FREM2: variants seen among roughly 807,000 people sequenced by gnomAD.
FREM2 encodes FRAS1-related extracellular matrix protein 2.
In FREM2, 119 loss-of-function variants were observed where a neutral mutation model predicts 219.9. The ratio of observed to expected loss-of-function variants is 0.54; its 90% CI spans 0.47 to 0.63. The LOEUF is 0.63. Among genes scored for constraint, FREM2 ranks in the 30% least tolerant of loss-of-function variants. FREM2 has a pLI of 0.00. For synonymous variants in FREM2, 1,562 were observed against 1,522.8 expected, an observed-to-expected ratio of 1.03 and a Z score of -0.60; for missense variants, 4,030 against 3,993.6, an observed-to-expected ratio of 1.01 and a Z score of -0.25.
At position 38,690,130 on chromosome 13, in the gene FREM2, T is replaced by C; in HGVS notation, c.2786T>C (p.Leu929Pro). 1 of 1,614,146 alleles carries C rather than the reference T, an allele frequency of 6.2e-7. No individual in the cohort carries two copies. Among genetic ancestry groups the C allele is most frequent in the Non-Finnish European group, 8.5e-7 (1 of 1,180,032 alleles). Residue 929 changes from leucine to proline, a missense_variant, in exon 1 of 24, where the codon CTC becomes CCC. Transcript: ENST00000280481. ...AGACATCATGTGGTGCCCATCACTC[T>C]CAGAGTAAATGTCCGGCCAGTGGAT... ...SDRHHVVPIT[L>P]RVNVRPVDDE...
At chr13:38,863,185 A>G (rs1247524621) in intron 15 of FREM2, among the ~76,000 whole-genome samples, 2 of 151,866 alleles carry the variant, frequency 1.3e-5, no homozygotes, top group Non-Finnish European at 2.9e-5. Context: ...AAGTAGCTGG[A>G]ATTACAGGCG....
Position 38,691,642 on chromosome 13 carries a change from A to G in FREM2, c.4298A>G (p.Glu1433Gly). The G allele has an allele frequency of 6.2e-7, 1 of 1,614,152 alleles. No individual in the cohort carries two copies. Among genetic ancestry groups the G allele is most frequent in the Middle Eastern group, 1.6e-4 (1 of 6,062 alleles). The change falls in exon 1 of 24, where the codon GAA becomes GGA. Residue 1433 changes from glutamate (E) to glycine (G), a missense_variant. Around this residue, in one of 2 missense-constraint regions of FREM2, gnomAD observed 3,102 missense variants for 2,950.7 expected, o/e 1.05. Coordinates refer to ENST00000280481, the MANE Select transcript of FREM2 (RefSeq NM_207361.6). ...DVISKGVSLK[E>G]GGKVTLTTDL... ...ATAAGTAAGGGAGTGTCCTTGAAAGAAGGTGGCAAAGTCACTCTTACAACA... is the reference window on the plus strand; with the variant it reads ...ATAAGTAAGGGAGTGTCCTTGAAAGGAGGTGGCAAAGTCACTCTTACAACA...
rs369908562 is a variant in FREM2, at chr13:38,783,076, C to A, written c.5648C>A (p.Thr1883Asn). 3 of 1,613,652 alleles carry A rather than the reference C, an allele frequency of 1.9e-6. No individual in the cohort carries two copies. Among genetic ancestry groups the A allele is most frequent in the Non-Finnish European group, 8.5e-7 (1 of 1,179,930 alleles). ...AATTGTGTTTTCTCTCTAGAGCCAACTGTGTTTATTCCCCAGTCCAAATAC... is the reference window on the plus strand; with the variant it reads ...AATTGTGTTTTCTCTCTAGAGCCAAATGTGTTTATTCCCCAGTCCAAATAC... ...VEIVDPGDEP[T>N]VFIPQSKYSV... Residue 1883 changes from threonine (T) to asparagine (N), a missense_variant, in exon 5 of 24, where the codon ACT becomes AAT. Coordinates refer to ENST00000280481, the MANE Select transcript of FREM2 (RefSeq NM_207361.6).
chr13:38,732,967 G>A (rs1871826726), intron 2 of FREM2, among the ~76,000 whole-genome samples: 2 of 152,228 alleles, frequency 1.3e-5, no homozygotes, highest in South Asian at 4.1e-4. Context: ...TGATAGGGGT[G>A]GAAATGATAC....
At chr13:38,739,531 C>T (rs1872149557) in intron 2 of FREM2, among the ~76,000 whole-genome samples, 1 of 152,184 alleles carries the variant, frequency 6.6e-6, no homozygotes, top group African/African-American at 2.4e-5. Flanking sequence ...GGTTGGCTTC[C>T]TTTGTCCATA....
intron 6 of FREM2, among the ~76,000 whole-genome samples, chr13:38,809,510 G>A (rs1001258952): frequency 1.4e-4 from 22 of 152,006 alleles, no homozygotes; most frequent in African/African-American, 4.1e-4. Flanking sequence ...TGTATAAGGC[G>A]AGAGATAGGG....
rs1159017386 is a variant in FREM2, at chr13:38,783,147, A to G, written c.5719A>G (p.Ser1907Gly). ...VGELFIPIRRSGDVSQELMVV... is the reference protein window; with the variant it reads ...VGELFIPIRRGGDVSQELMVV... Reference sequence around the variant, plus strand: ...TGAGCTGTTCATTCCCATCAGGAGGAGCGGAGATGTGAGCCAGGAGTTGAT... The same window carrying G: ...TGAGCTGTTCATTCCCATCAGGAGGGGCGGAGATGTGAGCCAGGAGTTGAT... Residue 1907 changes from serine to glycine, a missense_variant, in exon 5 of 24, where the codon AGC (serine) becomes GGC (glycine). Ser to Gly is a moderately conservative substitution (Grantham distance 56, BLOSUM62 0). Coordinates refer to ENST00000280481, the MANE Select transcript of FREM2 (RefSeq NM_207361.6). The G allele has an allele frequency of 2.5e-6, 4 of 1,614,024 alleles. No homozygotes were observed. The highest frequency in any genetic ancestry group is 3.4e-6 in the Non-Finnish European group (4 of 1,179,948).
Position 38,874,135 on chromosome 13 carries a change from A to G in FREM2, c.8177-347A>G, listed in dbSNP as rs576363106. ...TTCTGGATAACTCAAACCTATTTCT[A>G]TTTACATGTCCGAATCTCCATCATT... On this transcript the variant is annotated intron_variant, in intron 17 of 23. Coordinates refer to ENST00000280481, the MANE Select transcript of FREM2 (RefSeq NM_207361.6). Among the ~76,000 whole-genome samples the G allele has an allele frequency of 3.3e-5, 5 of 152,258 alleles. No individual in the cohort carries two copies. In the East Asian group the frequency reaches 7.7e-4, roughly 24 times the overall value.
intron 2 of FREM2, among the ~76,000 whole-genome samples, chr13:38,711,068 G>T (rs996276592): frequency 1.3e-5 from 2 of 152,098 alleles, no homozygotes; most frequent in African/African-American, 4.8e-5. Flanking sequence ...CTTTGACTTG[G>T]TTCATGTAAT....
chr13:38,793,568 A>G (rs978770737), intron 6 of FREM2, among the ~76,000 whole-genome samples: 7 of 152,230 alleles, frequency 4.6e-5, no homozygotes, highest in South Asian at 2.1e-4. Flanking sequence ...CTGTGGCCAT[A>G]TAAAAGAGTT....
intron 6 of FREM2, among the ~76,000 whole-genome samples, chr13:38,786,277 T>C (rs1271120656): frequency 6.6e-6 from 1 of 152,230 alleles, no homozygotes; most frequent in Non-Finnish European, 1.5e-5. Flanking sequence ...CTAACAATTC[T>C]GTAGAATCCA....
chr13:38,739,348 G>A (rs1021214560), intron 2 of FREM2, among the ~76,000 whole-genome samples: 2 of 152,126 alleles, frequency 1.3e-5, no homozygotes, highest in Non-Finnish European at 2.9e-5. Context: ...ATGGGACAGG[G>A]AGACCTACTG....
At chr13:38,741,750 C>T (rs1872259253) in intron 2 of FREM2, among the ~76,000 whole-genome samples, 1 of 152,084 alleles carries the variant, frequency 6.6e-6, no homozygotes, top group Non-Finnish European at 1.5e-5. Flanking sequence ...AGAAAGTAAT[C>T]GTTATGTATC....
Position 38,856,152 on chromosome 13 carries a change from C to G in FREM2, c.6952C>G (p.Gln2318Glu), listed in dbSNP as rs753780672. 8 of 1,610,842 alleles carry G rather than the reference C, an allele frequency of 5.0e-6. No individual in the cohort carries two copies. Among genetic ancestry groups the G allele is most frequent in the Non-Finnish European group, 6.8e-6 (8 of 1,177,702 alleles). ...AATTGAGTTTAAGGAAGGGGAAACC[C>G]AGCACGTGGTTGAAATCGAAGTTAC... Reference protein sequence around the residue: ...EEIEFKEGETQHVVEIEVTFD... With the variant: ...EEIEFKEGETEHVVEIEVTFD... Residue 2318 changes from glutamine (Q) to glutamate (E), a missense_variant, in exon 12 of 24, where the codon CAG (glutamine) becomes GAG (glutamate). Gln to Glu is a conservative substitution (Grantham distance 29). Transcript: ENST00000280481.
intron 6 of FREM2, among the ~76,000 whole-genome samples, chr13:38,825,198 T>C (rs931638387): frequency 1.3e-5 from 2 of 152,108 alleles, no homozygotes; most frequent in African/African-American, 4.8e-5. Context: ...TGTTTTCGGT[T>C]TTAACTTCTA....
chr13:38,747,405 G>C (rs1248648046), intron 2 of FREM2, among the ~76,000 whole-genome samples: 2 of 151,092 alleles, frequency 1.3e-5, no homozygotes, highest in Non-Finnish European at 2.9e-5. Flanking sequence ...ATGTGTGTGT[G>C]TGTGTGTGTG....
At chr13:38,791,534 G>T (rs1458616000) in intron 6 of FREM2, among the ~76,000 whole-genome samples, 1 of 152,130 alleles carries the variant, frequency 6.6e-6, no homozygotes, top group Admixed American at 6.5e-5. Flanking sequence ...GCCCGGGAAG[G>T]CCTCAGGAAA....
chr13:38,768,714 A>C (rs945504200), intron 3 of FREM2, among the ~76,000 whole-genome samples: 2 of 152,230 alleles, frequency 1.3e-5, no homozygotes, highest in African/African-American at 4.8e-5. Context: ...AGGATATAGA[A>C]GTCCAAGTAC....
At chr13:38,798,405 G>T (rs990185693) in intron 6 of FREM2, among the ~76,000 whole-genome samples, 1 of 152,034 alleles carries the variant, frequency 6.6e-6, no homozygotes, top group African/African-American at 2.4e-5. Context: ...GTTTATCAGG[G>T]ATATTGGCCT....
Sources: gnomAD v4.1 joint callset for allele counts (sites outside exome capture counted in the v4.1 genomes callset) on GRCh38, gnomAD v4.1.1 for gene constraint, gnomAD v4.1.1 regional missense constraint, MANE v1.5 for transcripts, NCBI Gene and HGNC (gene_info 2026-07-23, HGNC 2026-07-21) for gene names.